TMEM117: variants seen among roughly 807,000 people sequenced by gnomAD.
The protein encoded by TMEM117 is transmembrane protein 117.
TMEM117 carries 27 observed loss-of-function variants against 52.4 expected under a neutral mutation model. The observed-to-expected ratio is 0.51, with a 90% confidence interval of 0.38 to 0.71. The LOEUF is 0.71. Among genes scored for constraint, TMEM117 ranks in the 30% least tolerant of loss-of-function variants. The pLI, the probability that TMEM117 is intolerant of heterozygous loss-of-function variation, is 0.00. For synonymous variants in TMEM117, 215 were observed against 206.3 expected (o/e 1.04, Z -0.36); for missense variants, 556 against 630.5 (o/e 0.88, Z 1.26).
chr12:43,965,456 C>A (rs1246203877), intron 3 of TMEM117, among the ~76,000 whole-genome samples: 1 of 152,164 alleles, frequency 6.6e-6, no homozygotes, highest in South Asian at 2.1e-4. Context: ...ATTAGAGCCA[C>A]CTGTCCGTGG....
chr12:44,353,275 T>C (rs1204925590), intron 6 of TMEM117, among the ~76,000 whole-genome samples: 1 of 152,150 alleles, frequency 6.6e-6, no homozygotes, highest in Non-Finnish European at 1.5e-5. Context: ...TAGTTTCTTT[T>C]GCTGTGCAGA....
intron 3 of TMEM117, among the ~76,000 whole-genome samples, chr12:44,084,461 ATTAT>A (rs2138022842): frequency 6.6e-6 from 1 of 152,302 alleles, no homozygotes; most frequent in East Asian, 1.9e-4. Flanking sequence ...AATTATTTTA[ATTAT>A]TTAAAATACA....
At chr12:43,830,337 G>A in the TMEM117 span, among the ~76,000 whole-genome samples, 1 of 151,480 alleles carries the variant, frequency 6.6e-6, no homozygotes, top group African/African-American at 2.4e-5. Flanking sequence ...AGCCAGGCGT[G>A]GTGGATCATG....
chr12:44,315,952 T>G (rs970373509), intron 6 of TMEM117, among the ~76,000 whole-genome samples: 2 of 152,208 alleles, frequency 1.3e-5, no homozygotes, highest in African/African-American at 4.8e-5. Context: ...GTTCTTTACT[T>G]TGAGCCTGTA....
intron 3 of TMEM117, among the ~76,000 whole-genome samples, chr12:44,128,691 A>G (rs1446798128): frequency 6.6e-6 from 1 of 152,166 alleles, no homozygotes; most frequent in East Asian, 1.9e-4. Flanking sequence ...CAGACCTTTA[A>G]TTACCACCAA....
intron 3 of TMEM117, among the ~76,000 whole-genome samples, chr12:43,960,427 G>C (rs920356142): frequency 6.6e-6 from 1 of 152,122 alleles, no homozygotes; most frequent in African/African-American, 2.4e-5. Flanking sequence ...TAATACTATT[G>C]GTTTTGCATT....
the TMEM117 span, among the ~76,000 whole-genome samples, chr12:43,820,568 T>C: frequency 2.9e-3 from 439 of 148,962 alleles, 1 homozygote; most frequent in Non-Finnish European, 5.1e-3. Flanking sequence ...CCACCACGCC[T>C]GGCCACAGGC....
chr12:44,223,864 T>G (rs1202451341), intron 5 of TMEM117, among the ~76,000 whole-genome samples: 1 of 152,160 alleles, frequency 6.6e-6, no homozygotes, highest in Non-Finnish European at 1.5e-5. Flanking sequence ...CAAGAGAAGC[T>G]TCTGAAAAGT....
intron 3 of TMEM117, among the ~76,000 whole-genome samples, chr12:43,993,670 C>T (rs1405972440): frequency 1.3e-5 from 2 of 152,094 alleles, no homozygotes; most frequent in African/African-American, 2.4e-5. Flanking sequence ...AAATTAAAAA[C>T]CACCTATAAT....
chr12:44,008,727 G>T (rs1349267220), intron 3 of TMEM117: 2 of 408,748 alleles, frequency 4.9e-6, no homozygotes, highest in African/African-American at 2.1e-5. Flanking sequence ...CAAGTATAAG[G>T]CAGTTCACCT....
chr12:44,359,028 G>C (rs1053376118), intron 6 of TMEM117, among the ~76,000 whole-genome samples: 3 of 152,102 alleles, frequency 2.0e-5, no homozygotes, highest in African/African-American at 7.2e-5. Flanking sequence ...ACAGCACTCT[G>C]GAGACATTGA....
At chr12:44,352,861 G>T (rs567979664) in intron 6 of TMEM117, among the ~76,000 whole-genome samples, 17 of 152,114 alleles carry the variant, frequency 1.1e-4, no homozygotes, top group Non-Finnish European at 2.4e-4. Context: ...GATCCCTGAG[G>T]AATCGCCACA....
chr12:44,145,801 A>G (rs376325606), intron 4 of TMEM117, among the ~76,000 whole-genome samples: 1 of 152,206 alleles, frequency 6.6e-6, no homozygotes, highest in Non-Finnish European at 1.5e-5. Flanking sequence ...TTTGTCTTAT[A>G]CTGAACCTGA....
At chr12:43,949,357 A>AT (rs1453968204) in intron 3 of TMEM117, among the ~76,000 whole-genome samples, 3 of 152,150 alleles carry the variant, frequency 2.0e-5, no homozygotes, top group Non-Finnish European at 4.4e-5. Context: ...TTCTCCGCTG[A>AT]TTCTTCCCTT....
At chr12:43,878,088 AAAAGT>A (rs1943834855) in intron 2 of TMEM117, among the ~76,000 whole-genome samples, 1 of 152,192 alleles carries the variant, frequency 6.6e-6, no homozygotes, top group Admixed American at 6.5e-5. Context: ...TTTTGTAAGA[AAAAGT>A]AAATAAGGAA....
At chr12:44,199,102 C>T (rs1949458547) in intron 4 of TMEM117, among the ~76,000 whole-genome samples, 1 of 152,136 alleles carries the variant, frequency 6.6e-6, no homozygotes, top group Non-Finnish European at 1.5e-5. Flanking sequence ...TAACCAGTGT[C>T]TCATCACTCC....
intron 6 of TMEM117, among the ~76,000 whole-genome samples, chr12:44,321,191 T>C (rs1023916996): frequency 6.6e-6 from 1 of 152,212 alleles, no homozygotes; most frequent in African/African-American, 2.4e-5. Context: ...TACTGTAAGC[T>C]GTAGGAGTGT....
chr12:44,126,402 A>G lies in TMEM117; in HGVS notation c.411-17123A>G, dbSNP rs551869324. Among the ~76,000 whole-genome samples, 5 of 152,310 alleles carry G rather than the reference A, an allele frequency of 3.3e-5. No homozygotes were observed. The East Asian group carries it at 9.6e-4, about 29-fold the overall frequency. ...AATTCTTCTTCACTCATTTAACTCTATAAGGTGGAATTTCTCTCCCTCCTT... is the reference window on the plus strand; with the variant it reads ...AATTCTTCTTCACTCATTTAACTCTGTAAGGTGGAATTTCTCTCCCTCCTT... On this transcript the variant is annotated intron_variant, in intron 3 of 7. Coordinates refer to ENST00000266534, the MANE Select transcript of TMEM117 (RefSeq NM_032256.3).
chr12:44,070,046 T>C (rs1947278326), intron 3 of TMEM117, among the ~76,000 whole-genome samples: 1 of 152,156 alleles, frequency 6.6e-6, no homozygotes, highest in Non-Finnish European at 1.5e-5. Context: ...CATGCCACCA[T>C]GCTTGGCTAA....
Sources: gnomAD v4.1 joint callset for allele counts (sites outside exome capture counted in the v4.1 genomes callset) on GRCh38, gnomAD v4.1.1 for gene constraint, MANE v1.5 for transcripts, NCBI Gene and HGNC (gene_info 2026-07-23, HGNC 2026-07-21) for gene names.